Variants in USO1 observed in about 807,000 individuals in gnomAD.
USO1 encodes general vesicular transport factor p115.
A neutral mutation model predicts 124.5 loss-of-function variants in USO1; 57 were observed. The ratio of observed to expected loss-of-function variants is 0.46; its 90% CI spans 0.37 to 0.57. The LOEUF (loss-of-function observed/expected upper bound fraction) is 0.57, where lower values mean the gene tolerates loss of function less well. Ranked by LOEUF, USO1 falls within the 20% of genes least tolerant of loss-of-function variation. The pLI is 0.00. For missense variants in USO1, 900 were observed against 1,040.6 expected (o/e 0.86, Z 1.86); for synonymous variants, 369 against 362.8 (o/e 1.02, Z -0.19).
chr4:75,788,494 C>G (rs547130711), intron 10 of USO1, among the ~76,000 whole-genome samples: 75 of 151,518 alleles, frequency 4.9e-4, no homozygotes, highest in African/African-American at 1.7e-3. Context: ...TTCCTCTATC[C>G]CTTGGTTCAT....
intron 4 of USO1, among the ~76,000 whole-genome samples, chr4:75,764,404 C>G (rs766434403): frequency 1.3e-5 from 2 of 152,102 alleles, no homozygotes; most frequent in Admixed American, 6.6e-5. Context: ...TGCTGAGAAG[C>G]CTGCAGTGAA....
intron 8 of USO1, among the ~76,000 whole-genome samples, chr4:75,782,394 T>G (rs955366748): frequency 8.5e-5 from 13 of 152,182 alleles, no homozygotes; most frequent in African/African-American, 3.1e-4. Context: ...CCTGTAGTCT[T>G]GGTAATCATT....
intron 3 of USO1, among the ~76,000 whole-genome samples, chr4:75,754,006 C>T (rs1454442046): frequency 2.0e-5 from 3 of 151,622 alleles, no homozygotes; most frequent in Non-Finnish European, 2.9e-5. Flanking sequence ...CCAGGATGGT[C>T]TCGATCTCCT....
chr4:75,774,728 T>C lies in USO1; in HGVS notation c.608T>C (p.Ile203Thr). 2 of 1,613,688 alleles carry C rather than the reference T, an allele frequency of 1.2e-6. No homozygotes were observed. The highest frequency in any genetic ancestry group is 1.7e-6 in the Non-Finnish European group (2 of 1,179,736). The change falls in exon 8 of 24, where the codon ATT becomes ACT. Residue 203 changes from isoleucine (I) to threonine (T), a missense_variant. Transcript: ENST00000514213. The part of the protein sequence containing the change: ...LTRSNGAIQK[I>T]VAFENAFERL... Reference sequence around the variant, plus strand: ...AGAAGCAATGGTGCAATCCAGAAAATTGTTGCTTTTGAAAATGCTTTCGAG... The same window carrying C: ...AGAAGCAATGGTGCAATCCAGAAAACTGTTGCTTTTGAAAATGCTTTCGAG...
chr4:75,765,258 A>G (rs1375454273), intron 4 of USO1, among the ~76,000 whole-genome samples: 1 of 152,132 alleles, frequency 6.6e-6, no homozygotes, highest in Non-Finnish European at 1.5e-5. Context: ...TTGGAGAATA[A>G]TTTATTTGAC....
intron 8 of USO1, among the ~76,000 whole-genome samples, chr4:75,780,275 C>G (rs1382322240): frequency 6.6e-6 from 1 of 151,094 alleles, no homozygotes; most frequent in Non-Finnish European, 1.5e-5. Flanking sequence ...ATACTGTTTT[C>G]TTTTTTTTTG....
rs141780065 is a variant in USO1, at chr4:75,790,396, G to C, written c.1085+158G>C. Among the ~76,000 whole-genome samples the C allele has an allele frequency of 5.8e-3, 876 of 152,238 alleles. 13 individuals are homozygous for C. The highest frequency in any genetic ancestry group is 0.02 in the African/African-American group (832 of 41,578). ...GATAAATGATATTGATATTTTAAAAGAGTTGGTAGTCTTTGGAATTTAGAT... is the reference window on the plus strand; with the variant it reads ...GATAAATGATATTGATATTTTAAAACAGTTGGTAGTCTTTGGAATTTAGAT... On this transcript the variant is annotated intron_variant, in intron 11 of 23. Coordinates refer to ENST00000514213, the MANE Select transcript of USO1 (RefSeq NM_003715.4).
rs1397069997 is a variant in USO1, at chr4:75,812,250, A to G, written c.2674A>G (p.Lys892Glu). 1.9e-6 allele frequency: 3 copies of G among 1,609,974 alleles called. No individual in the cohort carries two copies. Among genetic ancestry groups the G allele is most frequent in the Non-Finnish European group, 2.5e-6 (3 of 1,178,050 alleles). ...TACCATTGCCATTTTACAAACTGAG[A>G]AAGACAAACTAGAGTTGGAAATTAC... The part of the protein sequence containing the change: ...NSTIAILQTE[K>E]DKLELEITDS... Residue 892 changes from lysine to glutamate, a missense_variant, in exon 23 of 24, where the codon AAA (lysine) becomes GAA (glutamate). This residue lies in a region of USO1 where 362 missense variants were observed against 359.0 expected (regional missense o/e 1.01). Transcript: ENST00000514213.
At chr4:75,756,224 A>G (rs1162926077) in intron 3 of USO1, among the ~76,000 whole-genome samples, 1 of 151,434 alleles carries the variant, frequency 6.6e-6, no homozygotes, top group Non-Finnish European at 1.5e-5. Context: ...GTCAGAGTGT[A>G]GTGATAGAAA....
chr4:75,728,716 A>G (rs868364099), intron 1 of USO1, among the ~76,000 whole-genome samples: 1 of 152,238 alleles, frequency 6.6e-6, no homozygotes, highest in African/African-American at 2.4e-5. Flanking sequence ...AGTCAATTCT[A>G]TAAAGTACTG....
At chr4:75,764,373 A>G (rs541950185) in intron 4 of USO1, among the ~76,000 whole-genome samples, 1 of 152,296 alleles carries the variant, frequency 6.6e-6, no homozygotes, top group South Asian at 2.1e-4. Context: ...AGCTTCATAA[A>G]ATTTACACTG....
chr4:75,750,253 G>C (rs966747398), intron 1 of USO1, among the ~76,000 whole-genome samples: 5 of 152,000 alleles, frequency 3.3e-5, no homozygotes, highest in Admixed American at 6.6e-5. Flanking sequence ...GAGCAATATA[G>C]TTAGACCCTG....
intron 1 of USO1, among the ~76,000 whole-genome samples, chr4:75,725,694 T>C (rs1188721460): frequency 6.6e-6 from 1 of 152,208 alleles, no homozygotes; most frequent in East Asian, 1.9e-4. Context: ...AATACACTTA[T>C]TTTGAAGTTT....
chr4:75,800,621 G>A lies in USO1; in HGVS notation c.1686G>A (p.Glu562=), dbSNP rs1296641521. ...CTCAATATGCTTATCTCCGTAGAGAGAAGCTAAAACAACTGATTGAGAAGA... is the reference window on the plus strand; with the variant it reads ...CTCAATATGCTTATCTCCGTAGAGAAAAGCTAAAACAACTGATTGAGAAGA... ...NDNSLESYMK[E]KLKQLIEKRI... The change falls in exon 16 of 24, where the codon GAG becomes GAA. Residue 562 remains glutamate, a synonymous_variant. Transcript: ENST00000514213. The A allele has an allele frequency of 1.9e-6, 3 of 1,555,738 alleles. No homozygotes were observed. In the Admixed American group the frequency reaches 6.4e-5, roughly 33 times the overall value.
intron 22 of USO1, among the ~76,000 whole-genome samples, chr4:75,811,590 T>C (rs1723153572): frequency 6.6e-6 from 1 of 152,224 alleles, no homozygotes; most frequent in South Asian, 2.1e-4. Context: ...GTCAGCATAT[T>C]ATTGTGTGAC....
intron 1 of USO1, among the ~76,000 whole-genome samples, chr4:75,748,514 T>A (rs1015857024): frequency 3.9e-5 from 6 of 152,312 alleles, no homozygotes; most frequent in African/African-American, 1.4e-4. Context: ...TAAAGCTAAG[T>A]TTCTCTACCA....
chr4:75,810,315 T>C (rs1723109067), intron 21 of USO1, 117 bp from the exon 22 acceptor site: 2 of 1,160,228 alleles, frequency 1.7e-6, no homozygotes, highest in East Asian at 2.8e-5. Flanking sequence ...TAAGGAATTA[T>C]ATTTTCTGTT....
intron 1 of USO1, among the ~76,000 whole-genome samples, chr4:75,728,314 A>C (rs1308900441): frequency 6.6e-6 from 1 of 151,998 alleles, no homozygotes; most frequent in Non-Finnish European, 1.5e-5. Context: ...CTTAGTTAAG[A>C]GTAACTTTGG....
Position 75,756,863 on chromosome 4 carries a change from A to G in USO1, c.219-634A>G, listed in dbSNP as rs142218845. 2.6e-3 allele frequency among the ~76,000 whole-genome samples: 391 copies of G among 152,092 alleles called. 2 individuals carry two copies. Among genetic ancestry groups the G allele is most frequent in the Middle Eastern group, 6.8e-3 (2 of 294 alleles). On this transcript the variant is annotated intron_variant, in intron 3 of 23. Coordinates refer to ENST00000514213, the MANE Select transcript of USO1 (RefSeq NM_003715.4). ...AATATATAAAGAAGAAAAACACTCT[A>G]GTAGTTGAACTAGAGATAACAGTTA...
Sources: allele counts gnomAD v4.1 joint callset (sites outside exome capture counted in the v4.1 genomes callset), GRCh38; gene constraint gnomAD v4.1.1; regional missense constraint gnomAD v4.1.1; transcripts MANE v1.5; gene names NCBI Gene and HGNC (gene_info 2026-07-23, HGNC 2026-07-21).